Variants in AHCYL2 observed in about 807,000 individuals in gnomAD.
AHCYL2 encodes the protein adenosylhomocysteinase like 2.
A neutral mutation model predicts 81.4 loss-of-function variants in AHCYL2; 28 were observed. That is an observed-to-expected ratio of 0.34 (90% CI 0.25 to 0.47). AHCYL2 has a LOEUF of 0.47. Ranked by LOEUF, AHCYL2 falls within the 20% of genes least tolerant of loss-of-function variation. AHCYL2 has a pLI of 1.00. For synonymous variants in AHCYL2, 272 were observed against 290.2 expected (o/e 0.94, Z 0.64); for missense variants, 551 against 785.1 (o/e 0.70, Z 3.56).
chr7:129,429,945 A>G lies in AHCYL2; in HGVS notation c.*2900A>G, dbSNP rs900723152. The G allele has an allele frequency of 6.6e-6, 1 of 152,360 alleles. No homozygotes were observed. Among genetic ancestry groups the G allele is most frequent in the Non-Finnish European group, 1.5e-5 (1 of 67,992 alleles). 9.4% of individuals were successfully genotyped at this position (152,360 alleles called of 1,614,324 possible). On this transcript the variant is annotated 3_prime_UTR_variant, in exon 17 of 17. Coordinates refer to ENST00000325006, the MANE Select transcript of AHCYL2 (RefSeq NM_015328.4). ...TGCATTGTTGCATTAAGCTTTTTCA[A>G]TAAAGGAAAATTACGGAAGGAAAAT...
In AHCYL2 at chr7:129,277,154, GACAA is replaced by G. The variant is rs113356758; in HGVS notation, c.363+51721_363+51724del. Among the ~76,000 whole-genome samples, 997 of 151,954 alleles carry G rather than the reference GACAA, an allele frequency of 6.6e-3. 11 individuals are homozygous for G. Among genetic ancestry groups the G allele is most frequent in the African/African-American group, 0.023 (936 of 41,474 alleles). Reference sequence around the variant, plus strand: ...AATAGTTTTATAAAGGGGTATAATTGACAAACAAAAAACTGCAGATATTTAAAGG... The same window carrying G: ...AATAGTTTTATAAAGGGGTATAATTGACAAAAAACTGCAGATATTTAAAGG... On this transcript the variant is annotated intron_variant, in intron 1 of 16. Coordinates refer to ENST00000325006, the MANE Select transcript of AHCYL2 (RefSeq NM_015328.4).
chr7:129,310,152 G>T (rs1797601752), intron 1 of AHCYL2, among the ~76,000 whole-genome samples: 1 of 151,566 alleles, frequency 6.6e-6, no homozygotes, highest in Non-Finnish European at 1.5e-5. Flanking sequence ...TTATATCCTT[G>T]ATCTTCAGTC....
At chr7:129,361,667 A>C (rs6467243) in intron 1 of AHCYL2, among the ~76,000 whole-genome samples, 7 of 151,888 alleles carry the variant, frequency 4.6e-5, no homozygotes, top group African/African-American at 7.3e-5. Context: ...GTCTTGTTCT[A>C]TCTCCCAGAC....
chr7:129,292,150 A>G (rs866562974), intron 1 of AHCYL2, among the ~76,000 whole-genome samples: 1 of 152,124 alleles, frequency 6.6e-6, no homozygotes, highest in East Asian at 1.9e-4. Context: ...GCTTGTAACA[A>G]TTTGCTTACC....
intron 1 of AHCYL2, among the ~76,000 whole-genome samples, chr7:129,349,650 T>C (rs1584809973): frequency 3.4e-5 from 1 of 29,796 alleles, no homozygotes; most frequent in Non-Finnish European, 8.1e-5. Flanking sequence ...AGACTCTGTT[T>C]CAAAAAAAAA....
At chr7:129,402,895 C>T (rs1413064860) in intron 6 of AHCYL2, among the ~76,000 whole-genome samples, 2 of 151,386 alleles carry the variant, frequency 1.3e-5, no homozygotes, top group Admixed American at 1.3e-4. Flanking sequence ...ATTGTTCTGA[C>T]AGGGAGACTT....
chr7:129,395,841 G>T (rs2150918418), intron 4 of AHCYL2, among the ~76,000 whole-genome samples: 1 of 152,262 alleles, frequency 6.6e-6, no homozygotes, highest in Middle Eastern at 3.4e-3. Context: ...ATTCCACATT[G>T]ACACACTTTC....
intron 1 of AHCYL2, among the ~76,000 whole-genome samples, chr7:129,242,531 T>A (rs7778993): frequency 6.6e-6 from 1 of 151,870 alleles, no homozygotes; most frequent in Non-Finnish European, 1.5e-5. Flanking sequence ...GTCTGGCCAA[T>A]ATAGTGAAAC....
At position 129,225,428 on chromosome 7, in the gene AHCYL2, A is replaced by C; in HGVS notation, c.352A>C (p.Thr118Pro). The change falls in exon 1 of 17, where the codon ACA becomes CCA. Residue 118 changes from threonine to proline, a missense_variant. Thr to Pro is a conservative substitution (Grantham distance 38, BLOSUM62 -1). Transcript: ENST00000325006. Reference sequence around the variant, plus strand: ...CGGCACCGTCACCGAGGCGCCGCGCACAGTCAAGAAGGTACTGGGGCCGGG... The same window carrying C: ...CGGCACCGTCACCGAGGCGCCGCGCCCAGTCAAGAAGGTACTGGGGCCGGG... ...PDGTVTEAPR[T>P]VKKQIQFADQ... 6.6e-7 allele frequency: 1 copy of C among 1,514,958 alleles called. No individual in the cohort carries two copies. The highest frequency in any genetic ancestry group is 8.8e-7 in the Non-Finnish European group (1 of 1,137,226). The allele number at this position is 1,514,958 out of a possible 1,614,324, so 93.8% of individuals were successfully genotyped here.
intron 1 of AHCYL2, among the ~76,000 whole-genome samples, chr7:129,315,667 C>T (rs1041557884): frequency 6.6e-6 from 1 of 152,182 alleles, no homozygotes; most frequent in Non-Finnish European, 1.5e-5. Flanking sequence ...ATCCACAACA[C>T]CTGTATCCTA....
At chr7:129,308,988 T>C (rs1797540676) in intron 1 of AHCYL2, among the ~76,000 whole-genome samples, 1 of 152,200 alleles carries the variant, frequency 6.6e-6, no homozygotes, top group Non-Finnish European at 1.5e-5. Flanking sequence ...CCCAGCACTT[T>C]GGGAGGCTGA....
At chr7:129,420,477 C>CTTTTTT (rs11414828) in intron 12 of AHCYL2, among the ~76,000 whole-genome samples, 1 of 126,836 alleles carries the variant, frequency 7.9e-6, no homozygotes, top group Non-Finnish European at 1.7e-5. Context: ...TGCTTAAATT[C>CTTTTTT]TTTTTTTTTT....
chr7:129,371,459 C>T (rs1223141642), intron 1 of AHCYL2, among the ~76,000 whole-genome samples: 5 of 152,166 alleles, frequency 3.3e-5, no homozygotes, highest in South Asian at 2.1e-4. Flanking sequence ...CAAGAACTGA[C>T]GAGGTAGACT....
At chr7:129,284,808 T>G (rs1055979894) in intron 1 of AHCYL2, among the ~76,000 whole-genome samples, 1 of 152,122 alleles carries the variant, frequency 6.6e-6, no homozygotes, top group Non-Finnish European at 1.5e-5. Context: ...TAAAAAATTT[T>G]TTTTTCAAAC....
rs1796954009 is a variant in AHCYL2, at chr7:129,418,322, CAG to C, written c.1462-4515_1462-4514del. 3.3e-5 allele frequency among the ~76,000 whole-genome samples: 5 copies of C among 151,936 alleles called. No homozygotes were observed. The South Asian group carries it at 1.0e-3, about 32-fold the overall frequency. On this transcript the variant is annotated intron_variant, in intron 12 of 16. Coordinates refer to ENST00000325006, the MANE Select transcript of AHCYL2 (RefSeq NM_015328.4). ...ATTTTTATTTTTTATTTTTTTGAGACAGAGTCTCGCTCTGTTGCCCAGGCTGG... is the reference window on the plus strand; with the variant it reads ...ATTTTTATTTTTTATTTTTTTGAGACAGTCTCGCTCTGTTGCCCAGGCTGG...
intron 1 of AHCYL2, among the ~76,000 whole-genome samples, chr7:129,358,039 A>G (rs759291926): frequency 2.0e-5 from 3 of 152,164 alleles, no homozygotes; most frequent in Non-Finnish European, 2.9e-5. Flanking sequence ...ACAAATGCCT[A>G]TCGACAGATG....
intron 1 of AHCYL2, among the ~76,000 whole-genome samples, chr7:129,333,555 A>G (rs1341165912): frequency 6.6e-6 from 1 of 152,202 alleles, no homozygotes; most frequent in Non-Finnish European, 1.5e-5. Context: ...TAGGGGTAGT[A>G]GAGGTAATAC....
chr7:129,234,330 C>T (rs1284703301), intron 1 of AHCYL2, among the ~76,000 whole-genome samples: 2 of 152,050 alleles, frequency 1.3e-5, no homozygotes, highest in Admixed American at 6.5e-5. Context: ...CTGCAACCTC[C>T]GCCTCGTGAG....
intron 1 of AHCYL2, among the ~76,000 whole-genome samples, chr7:129,275,995 C>T (rs1346215072): frequency 6.6e-6 from 1 of 152,036 alleles, no homozygotes; most frequent in Non-Finnish European, 1.5e-5. Flanking sequence ...TAAATCAAGT[C>T]TCAACAAAAC....
Sources: gnomAD v4.1 joint callset for allele counts (sites outside exome capture counted in the v4.1 genomes callset) on GRCh38, gnomAD v4.1.1 for gene constraint, MANE v1.5 for transcripts, NCBI Gene and HGNC (gene_info 2026-07-23, HGNC 2026-07-21) for gene names.